Variants in SH3RF3 observed in about 807,000 individuals in gnomAD.
The protein encoded by SH3RF3 is E3 ubiquitin-protein ligase SH3RF3.
Under a neutral mutation model 66.3 loss-of-function variants are expected in SH3RF3, and 29 were observed. That is an observed-to-expected ratio of 0.44 (90% CI 0.33 to 0.60). The LOEUF (loss-of-function observed/expected upper bound fraction) is 0.60. Ranked by LOEUF, SH3RF3 falls within the 20% of genes least tolerant of loss-of-function variation. The pLI is 0.04. For synonymous variants in SH3RF3, 583 were observed against 532.0 expected (o/e 1.10, Z -1.32); for missense variants, 1,194 against 1,190.9 (o/e 1.00, Z -0.04).
intron 9 of SH3RF3, among the ~76,000 whole-genome samples, chr2:109,495,848 C>T (rs1395190974): frequency 1.3e-5 from 2 of 152,092 alleles, no homozygotes; most frequent in Non-Finnish European, 2.9e-5. Flanking sequence ...GATAATAATA[C>T]ATGTCTGGGT....
At chr2:109,354,090 C>T (rs1298195697) in intron 2 of SH3RF3, among the ~76,000 whole-genome samples, 4 of 152,174 alleles carry the variant, frequency 2.6e-5, no homozygotes, top group Middle Eastern at 3.2e-3. Flanking sequence ...AGATGGCAGT[C>T]GGCTGTCAGA....
intron 1 of SH3RF3, among the ~76,000 whole-genome samples, chr2:109,133,358 A>G (rs771623102): frequency 2.6e-5 from 4 of 152,188 alleles, no homozygotes; most frequent in Non-Finnish European, 5.9e-5. Flanking sequence ...TGACAATGTG[A>G]CTGGGACTTA....
chr2:109,383,331 A>C (rs1025341608), intron 3 of SH3RF3, among the ~76,000 whole-genome samples: 5 of 152,166 alleles, frequency 3.3e-5, no homozygotes, highest in African/African-American at 1.2e-4. Context: ...GGGACCCCAA[A>C]CATCTTTATT....
chr2:109,129,240 C>T lies in SH3RF3; in HGVS notation c.-301C>T. 1 of 569,884 alleles carries T rather than the reference C, an allele frequency of 1.8e-6. No individual in the cohort carries two copies. The highest frequency in any genetic ancestry group is 3.2e-6 in the Non-Finnish European group (1 of 316,738). The allele number at this position is 569,884 out of a possible 1,614,324, so 35.3% of individuals were successfully genotyped here. Reference sequence around the variant, plus strand: ...TTGAGCTTCGTGCCCGGCAGCACCCCCGGTCCCCCGCGCGGGGCGGACTTG... The same window carrying T: ...TTGAGCTTCGTGCCCGGCAGCACCCTCGGTCCCCCGCGCGGGGCGGACTTG... On this transcript the variant is annotated 5_prime_UTR_variant, in exon 1 of 10. Transcript: ENST00000309415.
Position 109,398,934 on chromosome 2 carries a change from T to A in SH3RF3, c.1290T>A (p.Ala430=), listed in dbSNP as rs370742737. 71 of 1,611,306 alleles carry A rather than the reference T, an allele frequency of 4.4e-5. 1 individual carries two copies. In the African/African-American group the frequency reaches 8.4e-4, roughly 19 times the overall value. The stretch of plus-strand genomic sequence containing the variant: ...ACCTTGCTCATCTGTCGTGCGCTGC[T>A]CCCACCCAGGTAACATCCCGCGGGC... ...IGDLAHLSCA[A]PTQDVSSSAG... is the part of the protein sequence containing the mutation. The change falls in exon 4 of 10, where the codon GCT becomes GCA. Residue 430 remains alanine, a synonymous_variant. Transcript: ENST00000309415.
intron 1 of SH3RF3, among the ~76,000 whole-genome samples, chr2:109,218,198 G>A (rs1360407386): frequency 1.3e-5 from 2 of 151,812 alleles, no homozygotes; most frequent in Non-Finnish European, 2.9e-5. Context: ...TCTGAGGCAC[G>A]TGACAAAATT....
At chr2:109,140,415 C>T (rs919089621) in intron 1 of SH3RF3, among the ~76,000 whole-genome samples, 3 of 151,792 alleles carry the variant, frequency 2.0e-5, no homozygotes, top group African/African-American at 7.3e-5. Context: ...GAGTCTTGCT[C>T]TGTCCCCTAG....
intron 8 of SH3RF3, among the ~76,000 whole-genome samples, chr2:109,450,719 A>T (rs949823193): frequency 6.6e-6 from 1 of 152,186 alleles, no homozygotes; most frequent in Non-Finnish European, 1.5e-5. Flanking sequence ...GCAATTCTCC[A>T]GGGCTCAGGG....
rs185922424 is a variant in SH3RF3 at position 109,288,346 on chromosome 2, G to A, written c.574-59328G>A. 2.6e-5 allele frequency among the ~76,000 whole-genome samples: 4 copies of A among 152,334 alleles called. No homozygotes were observed. The East Asian group carries it at 7.7e-4, about 29-fold the overall frequency. On this transcript the variant is annotated intron_variant, in intron 1 of 9. Transcript: ENST00000309415. ...CGGGGAGTTGCCCATAGTTCTTAAT[G>A]TATTAGGGAACAGGAACACTCAGAG...
chr2:109,228,878 T>C (rs1679433821), intron 1 of SH3RF3, among the ~76,000 whole-genome samples: 1 of 152,134 alleles, frequency 6.6e-6, no homozygotes, highest in African/African-American at 2.4e-5. Context: ...ACAGGCATGA[T>C]TGGTTATCAA....
At chr2:109,303,625 G>A (rs1234190526) in intron 1 of SH3RF3, among the ~76,000 whole-genome samples, 5 of 152,262 alleles carry the variant, frequency 3.3e-5, no homozygotes, top group African/African-American at 4.8e-5. Flanking sequence ...GACAAAGTCA[G>A]GGAGGCAACA....
At chr2:109,165,440 A>G (rs1292806665) in intron 1 of SH3RF3, among the ~76,000 whole-genome samples, 1 of 152,142 alleles carries the variant, frequency 6.6e-6, no homozygotes, top group Non-Finnish European at 1.5e-5. Flanking sequence ...TGCTAGAAGG[A>G]AAGTTAAGTT....
chr2:109,176,973 G>T (rs138797749), intron 1 of SH3RF3, among the ~76,000 whole-genome samples: 8 of 152,182 alleles, frequency 5.3e-5, no homozygotes, highest in African/African-American at 1.9e-4. Context: ...GGTGAGGTAT[G>T]ATGGCCTCAA....
chr2:109,134,268 G>A (rs1193101412), intron 1 of SH3RF3, among the ~76,000 whole-genome samples: 1 of 152,186 alleles, frequency 6.6e-6, no homozygotes, highest in East Asian at 1.9e-4. Context: ...CTTCTGTCCA[G>A]TTTGGCTGGA....
chr2:109,151,949 A>T (rs113816935), intron 1 of SH3RF3, among the ~76,000 whole-genome samples: 71 of 152,366 alleles, frequency 4.7e-4, no homozygotes, highest in African/African-American at 1.3e-3. Context: ...GGCTTATAAA[A>T]TGCATGCTGA....
chr2:109,191,617 G>T (rs1211777494), intron 1 of SH3RF3, among the ~76,000 whole-genome samples: 1 of 152,198 alleles, frequency 6.6e-6, no homozygotes, highest in East Asian at 1.9e-4. Context: ...CATGAAGAAA[G>T]TGGAATTGCA....
At chr2:109,371,710 G>T in intron 3 of SH3RF3, 29 bp downstream of exon 3, 2 of 1,596,820 alleles carry the variant, frequency 1.3e-6, no homozygotes, top group Non-Finnish European at 1.7e-6. Flanking sequence ...CCCACACTTG[G>T]CTCCTTCTTG....
At chr2:109,199,095 C>G (rs1678577437) in intron 1 of SH3RF3, among the ~76,000 whole-genome samples, 1 of 151,954 alleles carries the variant, frequency 6.6e-6, no homozygotes, top group Non-Finnish European at 1.5e-5. Context: ...CATGGTGGTT[C>G]ATGCCTGTAA....
At chr2:109,413,161 C>T (rs1174835307) in intron 4 of SH3RF3, among the ~76,000 whole-genome samples, 1 of 152,234 alleles carries the variant, frequency 6.6e-6, no homozygotes, top group Non-Finnish European at 1.5e-5. Context: ...GTCGCCCAGG[C>T]TGGAGTGCAG....
Sources: allele counts gnomAD v4.1 joint callset (sites outside exome capture counted in the v4.1 genomes callset), GRCh38; gene constraint gnomAD v4.1.1; transcripts MANE v1.5; gene names NCBI Gene and HGNC (gene_info 2026-07-23, HGNC 2026-07-21).